CYP19A1: variants seen among roughly 807,000 people sequenced by gnomAD.
CYP19A1 encodes the protein aromatase.
CYP19A1 carries 32 observed loss-of-function variants against 44.4 expected under a neutral mutation model. The observed-to-expected ratio is 0.72, with a 90% CI of 0.54 to 0.97. The LOEUF (loss-of-function observed/expected upper bound fraction) is 0.97. CYP19A1 is among the 50% of genes least tolerant of loss of function. The pLI is 0.00. For missense variants in CYP19A1, 598 were observed against 637.8 expected (o/e 0.94, Z 0.67); for synonymous variants, 212 against 215.6 (o/e 0.98, Z 0.14).
rs371979298 is a variant in CYP19A1 at position 51,212,403 on chromosome 15, T to C, written c.1180A>G (p.Ile394Val). ...TGCATCCTTCCAATATTCAGGATAA[T>C]GTTTGTCCCCTTTTTCACTGGGTAG... is the stretch of plus-strand genomic sequence containing the variant. ...DGYPVKKGTNIILNIGRMHRL... is the reference protein window; with the variant it reads ...DGYPVKKGTNVILNIGRMHRL... Residue 394 changes from isoleucine to valine, a missense_variant, in exon 9 of 10, where the codon ATT (isoleucine) becomes GTT (valine). Ile to Val is a conservative substitution (Grantham distance 29). Transcript: ENST00000396402. 3 of 1,597,976 alleles carry C rather than the reference T, an allele frequency of 1.9e-6. No homozygotes were observed. The highest frequency in any genetic ancestry group is 2.7e-5 in the African/African-American group (2 of 74,626).
chr15:51,227,855 GATGCACT>G lies in CYP19A1; in HGVS notation c.368_374del (p.Gln123ProfsTer25). 1 of 1,519,428 alleles carries G rather than the reference GATGCACT, an allele frequency of 6.6e-7. No homozygotes were observed. The highest frequency in any genetic ancestry group is 9.1e-7 in the Non-Finnish European group (1 of 1,093,784). 94.1% of individuals were successfully genotyped at this position (1,519,428 alleles called of 1,614,324 possible). ...ATATGATGCCTTTCTCATGCATACCGATGCACTGCAGCCCAAGTTTGCTGCCGAATCG... is the reference window on the plus strand; with the variant it reads ...ATATGATGCCTTTCTCATGCATACCGGCAGCCCAAGTTTGCTGCCGAATCG... On this transcript the variant is annotated frameshift_variant, in exon 4 of 10. Transcript: ENST00000396402. LOFTEE classifies it high-confidence loss of function.
At chr15:51,266,791 T>C (rs2034935768) in intron 1 of CYP19A1, among the ~76,000 whole-genome samples, 1 of 152,224 alleles carries the variant, frequency 6.6e-6, no homozygotes, top group South Asian at 2.1e-4. Context: ...ACGGAAAGCC[T>C]TCCCTGGTCT....
chr15:51,319,290 T>C (rs1272267360), intron 1 of CYP19A1, among the ~76,000 whole-genome samples: 1 of 152,244 alleles, frequency 6.6e-6, no homozygotes, highest in East Asian at 1.9e-4. Flanking sequence ...TAATGGAATA[T>C]TCATCTATTT....
In CYP19A1 at chr15:51,212,351, T is replaced by C. The variant is rs375990501; in HGVS notation, c.1232A>G (p.Asn411Ser). 24 of 1,601,474 alleles carry C rather than the reference T, an allele frequency of 1.5e-5. No homozygotes were observed. Among genetic ancestry groups the C allele is most frequent in the Middle Eastern group, 1.7e-4 (1 of 6,056 alleles). ...MHRLEFFPKP[N>S]EFTLENFAKN... ...TGCAAAATTTTCAAGAGTAAATTCA[T>C]TGGGTTTGGGGAAAAACTCGAGTCT... The change falls in exon 9 of 10, where the codon AAT becomes AGT. Residue 411 changes from asparagine (N) to serine (S), a missense_variant. By Grantham distance (46) the Asn-to-Ser change is conservative. Coordinates refer to ENST00000396402, the MANE Select transcript of CYP19A1 (RefSeq NM_000103.4).
chr15:51,249,836 A>G (rs1014741008), intron 1 of CYP19A1, among the ~76,000 whole-genome samples: 1 of 152,222 alleles, frequency 6.6e-6, no homozygotes, highest in Non-Finnish European at 1.5e-5. Context: ...GTTACTTAAA[A>G]GCAGGGAAGG....
intron 1 of CYP19A1, among the ~76,000 whole-genome samples, chr15:51,303,693 T>C (rs2036159543): frequency 6.6e-6 from 1 of 152,126 alleles, no homozygotes; most frequent in Non-Finnish European, 1.5e-5. Context: ...GAATGGCTAA[T>C]AACTGAAGAG....
At chr15:51,333,770 A>G (rs2036736994) in intron 1 of CYP19A1, among the ~76,000 whole-genome samples, 1 of 152,144 alleles carries the variant, frequency 6.6e-6, no homozygotes, top group Non-Finnish European at 1.5e-5. Flanking sequence ...ATGGGGTGTC[A>G]TCTTCTCCAG....
intron 1 of CYP19A1, among the ~76,000 whole-genome samples, chr15:51,300,091 C>T (rs953930564): frequency 2.0e-5 from 3 of 152,170 alleles, no homozygotes; most frequent in East Asian, 1.9e-4. Context: ...GCTTCCACAG[C>T]GTGTCTATCA....
At chr15:51,225,634 T>A (rs2032508744) in intron 4 of CYP19A1, among the ~76,000 whole-genome samples, 1 of 152,188 alleles carries the variant, frequency 6.6e-6, no homozygotes, top group Non-Finnish European at 1.5e-5. Flanking sequence ...ATAAGGAGAT[T>A]TATCTCCCCC....
intron 1 of CYP19A1, among the ~76,000 whole-genome samples, chr15:51,308,402 T>G (rs1480540610): frequency 6.6e-6 from 1 of 152,188 alleles, no homozygotes; most frequent in Non-Finnish European, 1.5e-5. Flanking sequence ...TTCCTTTGTT[T>G]CATAGTTAGT....
At chr15:51,336,959 G>C (rs2036786935) in intron 1 of CYP19A1, among the ~76,000 whole-genome samples, 1 of 151,388 alleles carries the variant, frequency 6.6e-6, no homozygotes, top group South Asian at 2.1e-4. Context: ...ATTCTGTGAA[G>C]TATCAGGCAG....
intron 1 of CYP19A1, among the ~76,000 whole-genome samples, chr15:51,316,554 T>C (rs2036429406): frequency 6.6e-6 from 1 of 152,080 alleles, no homozygotes; most frequent in Non-Finnish European, 1.5e-5. Context: ...TGAATATCTG[T>C]TCTCCCAGTC....
chr15:51,255,309 G>A (rs1222974035), intron 1 of CYP19A1, among the ~76,000 whole-genome samples: 1 of 152,220 alleles, frequency 6.6e-6, no homozygotes, highest in Non-Finnish European at 1.5e-5. Context: ...CTACCCAACA[G>A]GGTATGGGGA....
intron 1 of CYP19A1, chr15:51,316,027 T>G (rs539727161): frequency 3.3e-5 from 5 of 152,072 alleles, no homozygotes; most frequent in Non-Finnish European, 4.4e-5. Context: ...CCTGATGGAG[T>G]CCAGGAACTC....
intron 1 of CYP19A1, among the ~76,000 whole-genome samples, chr15:51,303,928 G>A (rs1257961709): frequency 6.6e-6 from 1 of 152,124 alleles, no homozygotes; most frequent in Non-Finnish European, 1.5e-5. Context: ...TAAAGGAAGA[G>A]GCAAGATGCA....
chr15:51,291,722 A>G (rs2035850929), intron 1 of CYP19A1, among the ~76,000 whole-genome samples: 1 of 152,214 alleles, frequency 6.6e-6, no homozygotes, highest in Non-Finnish European at 1.5e-5. Flanking sequence ...CAGAGTGGTT[A>G]TCATGGAAAC....
At chr15:51,211,212 A>G (rs1339142120) in intron 9 of CYP19A1, among the ~76,000 whole-genome samples, 156 bp from the exon 10 acceptor site, 1 of 152,160 alleles carries the variant, frequency 6.6e-6, no homozygotes, top group African/African-American at 2.4e-5. Flanking sequence ...CTGGAACTCA[A>G]GCCCTTTCTA....
chr15:51,315,276 A>G (rs547198300), intron 1 of CYP19A1, among the ~76,000 whole-genome samples: 200 of 152,064 alleles, frequency 1.3e-3, no homozygotes, highest in African/African-American at 4.5e-3. Flanking sequence ...CATTCTCTCC[A>G]TGGGGAGTAC....
rs576462094 is a variant in CYP19A1 at position 51,213,053 on chromosome 15, A to G, written c.1022-492T>C. Among the ~76,000 whole-genome samples, 14 of 152,326 alleles carry G rather than the reference A, an allele frequency of 9.2e-5. No individual in the cohort carries two copies. The East Asian group carries it at 2.5e-3, about 27-fold the overall frequency. Reference sequence around the variant, plus strand: ...TTACGAGCAAACTGGCACCACAACCATCCCAGAGATGATGCACAGGCTGCT... The same window carrying G: ...TTACGAGCAAACTGGCACCACAACCGTCCCAGAGATGATGCACAGGCTGCT... On this transcript the variant is annotated intron_variant, in intron 8 of 9. Transcript: ENST00000396402.
Sources: gnomAD v4.1 joint callset for allele counts (sites outside exome capture counted in the v4.1 genomes callset) on GRCh38, gnomAD v4.1.1 for gene constraint, MANE v1.5 for transcripts, NCBI Gene and HGNC (gene_info 2026-07-23, HGNC 2026-07-21) for gene names.